Variants in NRG1 observed in about 807,000 individuals in gnomAD.
NRG1 encodes the protein pro-neuregulin-1, membrane-bound isoform.
A neutral mutation model predicts 63.8 loss-of-function variants in NRG1; 18 were observed. The ratio of observed to expected loss-of-function variants is 0.28; its 90% CI spans 0.19 to 0.42. NRG1 has a LOEUF of 0.42. Ranked by LOEUF, NRG1 falls within the 10% of genes least tolerant of loss-of-function variation. The probability of loss-of-function intolerance (pLI) is 1.00; values close to 1 mark genes in which losing one functional copy is unlikely to be tolerated. For synonymous variants in NRG1, 302 were observed against 301.3 expected (o/e 1.00, Z -0.02); for missense variants, 762 against 814.7 (o/e 0.94, Z 0.79).
intron 1 of NRG1, among the ~76,000 whole-genome samples, chr8:32,482,375 G>T (rs6997540): frequency 2.0e-5 from 3 of 150,986 alleles, no homozygotes; most frequent in African/African-American, 7.3e-5. Flanking sequence ...CAAATTTGGG[G>T]GTTGTTTTCT....
chr8:31,975,067 G>T (rs1807936906), intron 1 of NRG1, among the ~76,000 whole-genome samples: 1 of 152,102 alleles, frequency 6.6e-6, no homozygotes, highest in Non-Finnish European at 1.5e-5. Context: ...TTTTCTTTCA[G>T]GGTTCTGTGT....
intron 1 of NRG1, among the ~76,000 whole-genome samples, chr8:32,369,056 G>T (rs1277634806): frequency 1.3e-5 from 2 of 152,170 alleles, no homozygotes; most frequent in African/African-American, 4.8e-5. Context: ...TTTATCCTGT[G>T]TTCCACTATT....
At chr8:32,088,267 C>A (rs2131236124) in intron 1 of NRG1, among the ~76,000 whole-genome samples, 1 of 152,282 alleles carries the variant, frequency 6.6e-6, no homozygotes, top group African/African-American at 2.4e-5. Context: ...TCCACGGGAC[C>A]TTGCGTTTAA....
intron 1 of NRG1, among the ~76,000 whole-genome samples, chr8:32,209,985 AT>A (rs1444963107): frequency 6.6e-6 from 1 of 152,112 alleles, no homozygotes. Flanking sequence ...TGAAGGGATG[AT>A]TTTTTAGTTC....
chr8:32,089,351 C>T (rs1828755807), intron 1 of NRG1, among the ~76,000 whole-genome samples: 2 of 152,180 alleles, frequency 1.3e-5, no homozygotes, highest in African/African-American at 4.8e-5. Flanking sequence ...TCAACAGAAA[C>T]AATATGTTTA....
chr8:31,722,104 G>A (rs370270137), intron 1 of NRG1, among the ~76,000 whole-genome samples: 25 of 152,168 alleles, frequency 1.6e-4, no homozygotes, highest in East Asian at 1.5e-3. Context: ...CTTTCAGGTT[G>A]AAGTTCAAGC....
intron 1 of NRG1, among the ~76,000 whole-genome samples, chr8:31,718,514 T>G (rs944466641): frequency 2.0e-5 from 3 of 152,330 alleles, no homozygotes; most frequent in Middle Eastern, 3.4e-3. Flanking sequence ...GCAACAGGAT[T>G]TGTGTACCAT....
chr8:32,230,938 C>T (rs73578655), intron 1 of NRG1, among the ~76,000 whole-genome samples: 1,804 of 152,148 alleles, frequency 0.012, 46 homozygotes, highest in African/African-American at 0.04. Context: ...AGTATCATCA[C>T]TCTGTTGTGC....
chr8:32,586,781 G>A (rs1841692026), intron 1 of NRG1, among the ~76,000 whole-genome samples: 1 of 152,162 alleles, frequency 6.6e-6, no homozygotes, highest in African/African-American at 2.4e-5. Context: ...CAGAACTGTT[G>A]CAGATGAAAG....
intron 1 of NRG1, among the ~76,000 whole-genome samples, chr8:31,823,026 A>G (rs759643696): frequency 1.3e-5 from 2 of 151,910 alleles, no homozygotes; most frequent in Non-Finnish European, 2.9e-5. Context: ...TCTGACAGCC[A>G]GCAGAGATGG....
intron 1 of NRG1, among the ~76,000 whole-genome samples, chr8:32,157,823 G>C (rs956439386): frequency 1.3e-5 from 2 of 152,042 alleles, no homozygotes; most frequent in Middle Eastern, 3.4e-3. Flanking sequence ...GTAAAACCTA[G>C]AGTAACTAGG....
At chr8:31,735,931 C>T (rs77006684) in intron 1 of NRG1, among the ~76,000 whole-genome samples, 1,732 of 152,260 alleles carry the variant, frequency 0.011, 36 homozygotes, top group African/African-American at 0.04. Flanking sequence ...TCATCTTTTG[C>T]CTGGATTATT....
At chr8:32,284,489 G>GCCTGCCTGCCTGCCTGCCTTCCTT (rs1338557078) in intron 1 of NRG1, among the ~76,000 whole-genome samples, 59 of 132,610 alleles carry the variant, frequency 4.4e-4, no homozygotes, top group African/African-American at 1.1e-3. Flanking sequence ...CTGCCTGCCT[G>GCCTGCCTGCCTGCCTGCCTTCCTT]CCTTCCTTCC....
intron 5 of NRG1, among the ~76,000 whole-genome samples, chr8:32,684,390 T>C (rs1464287420): frequency 1.3e-5 from 2 of 152,200 alleles, no homozygotes; most frequent in Non-Finnish European, 2.9e-5. Flanking sequence ...TTCTCCTTAT[T>C]TCTCAAGAGG....
At chr8:31,743,974 C>T (rs1002990069) in intron 1 of NRG1, among the ~76,000 whole-genome samples, 3 of 151,978 alleles carry the variant, frequency 2.0e-5, no homozygotes, top group African/African-American at 4.8e-5. Context: ...CTTATATCCT[C>T]ACAATGTGAA....
chr8:32,337,756 G>A (rs545712283), intron 1 of NRG1, among the ~76,000 whole-genome samples: 1 of 145,386 alleles, frequency 6.9e-6, no homozygotes, highest in Non-Finnish European at 1.5e-5. Flanking sequence ...AGTGCTAAAG[G>A]CCAAGCCTGC....
rs115832886 is a variant in NRG1 at position 32,331,777 on chromosome 8, A to G, written c.38-264051A>G. ...AGATGAACATCTCAGACCGATGCTTAGTAAAACCTACAGGGGGAAGCATGA... is the reference window on the plus strand; with the variant it reads ...AGATGAACATCTCAGACCGATGCTTGGTAAAACCTACAGGGGGAAGCATGA... On this transcript the variant is annotated intron_variant, in intron 1 of 10. Coordinates refer to the NRG1 transcript ENST00000519301. Among the ~76,000 whole-genome samples, 416 of 152,278 alleles carry G rather than the reference A, an allele frequency of 2.7e-3. 3 individuals are homozygous for G. The highest frequency in any genetic ancestry group is 9.7e-3 in the African/African-American group (405 of 41,550).
intron 1 of NRG1, among the ~76,000 whole-genome samples, chr8:31,841,562 A>G (rs1053727261): frequency 2.0e-5 from 3 of 152,192 alleles, no homozygotes; most frequent in African/African-American, 7.2e-5. Flanking sequence ...GGCAAAAACA[A>G]AACCTGAATC....
intron 1 of NRG1, among the ~76,000 whole-genome samples, chr8:32,374,590 A>G (rs1809372280): frequency 6.6e-6 from 1 of 152,198 alleles, no homozygotes; most frequent in African/African-American, 2.4e-5. Context: ...AAACAGAGCA[A>G]AACCAAATTA....
Sources: allele counts gnomAD v4.1 joint callset (sites outside exome capture counted in the v4.1 genomes callset), GRCh38; gene constraint gnomAD v4.1.1; transcripts MANE v1.5; gene names NCBI Gene and HGNC (gene_info 2026-07-23, HGNC 2026-07-21).